The following ATP5MK variants were observed in gnomAD, a reference collection of about 807,000 sequenced individuals.
ATP5MK encodes the protein ATP synthase F(0) complex subunit k, mitochondrial.
Under a neutral mutation model 6.6 loss-of-function variants are expected in ATP5MK, and 5 were observed. The observed-to-expected ratio is 0.76, with a 90% CI of 0.40 to 1.60. The LOEUF (loss-of-function observed/expected upper bound fraction) is 1.60. Among genes scored for constraint, ATP5MK ranks in the 40% most tolerant of loss-of-function variants. The pLI is 0.02. For synonymous variants in ATP5MK, 30 were observed against 24.5 expected, an observed-to-expected ratio of 1.22 and a Z score of -0.66; for missense variants, 57 against 66.6, an observed-to-expected ratio of 0.86 and a Z score of 0.50.
intron 2 of ATP5MK, among the ~76,000 whole-genome samples, chr10:103,395,400 C>T (rs1312456253): frequency 1.3e-5 from 2 of 152,218 alleles, no homozygotes; most frequent in African/African-American, 4.8e-5. Context: ...CGGGGTCAAG[C>T]GGTTCTCCTG....
At chr10:103,389,780 G>A in intron 4 of ATP5MK, among the ~76,000 whole-genome samples, 1 of 151,866 alleles carries the variant, frequency 6.6e-6, no homozygotes, top group Non-Finnish European at 1.5e-5. Context: ...CCCCCAGGAT[G>A]GAGTGTAGCA....
At chr10:103,395,076 AAGG>A (rs1368871839) in intron 2 of ATP5MK, among the ~76,000 whole-genome samples, 2 of 152,090 alleles carry the variant, frequency 1.3e-5, no homozygotes, top group African/African-American at 4.8e-5. Flanking sequence ...CTGGGTCTTA[AAGG>A]AGGAGGACTC....
chr10:103,389,117 G>A lies in ATP5MK; in HGVS notation c.*53C>T, dbSNP rs1410626714. On this transcript the variant is annotated 3_prime_UTR_variant, in exon 5 of 5. Coordinates refer to ENST00000369815, the MANE Select transcript of ATP5MK (RefSeq NM_001206427.2). ...TGATGAGTTGGCATTAGCTTCTCCA[G>A]GCATGGGAACTTAACAGATGAGGTT... 1.3e-5 allele frequency: 2 copies of A among 152,534 alleles called. No individual in the cohort carries two copies. The highest frequency in any genetic ancestry group is 2.9e-5 in the Non-Finnish European group (2 of 68,028). 9.4% of individuals were successfully genotyped at this position (152,534 alleles called of 1,614,324 possible).
At chr10:103,389,345 C>CA (rs1487505764) in intron 4 of ATP5MK, among the ~76,000 whole-genome samples, 179 bp from the exon 5 acceptor site, 2 of 151,348 alleles carry the variant, frequency 1.3e-5, no homozygotes, top group African/African-American at 4.9e-5. Flanking sequence ...TTTTTTGAGA[C>CA]AGAGTTCGCT....
chr10:103,393,086 G>A (rs1213533998), intron 2 of ATP5MK, among the ~76,000 whole-genome samples: 2 of 151,610 alleles, frequency 1.3e-5, no homozygotes, highest in Non-Finnish European at 2.9e-5. Context: ...AAAACATGGG[G>A]AAATATTTAA....
chr10:103,390,435 A>T (rs1175345998), intron 4 of ATP5MK, among the ~76,000 whole-genome samples: 1 of 151,864 alleles, frequency 6.6e-6, no homozygotes, highest in Admixed American at 6.6e-5. Context: ...CAGAGGTTGC[A>T]GTGATCTGAG....
chr10:103,394,760 C>G (rs1437795018), intron 2 of ATP5MK, among the ~76,000 whole-genome samples: 2 of 134,532 alleles, frequency 1.5e-5, no homozygotes, highest in Non-Finnish European at 3.2e-5. Flanking sequence ...CCCGCCCCCC[C>G]ACCAGCTCCA....
chr10:103,392,081 A>G, intron 4 of ATP5MK, 110 bp downstream of exon 4: 1 of 904,218 alleles, frequency 1.1e-6, no homozygotes, highest in Admixed American at 2.8e-5. Context: ...TTTTTCTTGT[A>G]TGCTATAAAT....
Position 103,392,214 on chromosome 10 carries a change from G to C in ATP5MK, c.157C>G (p.Pro53Ala), listed in dbSNP as rs2093416516. The change falls in exon 4 of 5, where the codon CCA becomes GCA. Residue 53 changes from proline (P) to alanine (A), a missense_variant. Coordinates refer to ENST00000369815, the MANE Select transcript of ATP5MK (RefSeq NM_001206427.2). ...ACCATTTATGTTGCTTTCACAGCTG[G>C]AGTTTTTTTGGACCTTAACTTGAAA... is the stretch of plus-strand genomic sequence containing the variant. ...LYFKLRSKKT[P>A]AVKAT 6.2e-7 allele frequency: 1 copy of C among 1,613,100 alleles called. No homozygotes were observed. The highest frequency in any genetic ancestry group is 8.5e-7 in the Non-Finnish European group (1 of 1,179,748).
At chr10:103,395,001 G>T (rs2093426813) in intron 2 of ATP5MK, among the ~76,000 whole-genome samples, 1 of 152,138 alleles carries the variant, frequency 6.6e-6, no homozygotes, top group African/African-American at 2.4e-5. Context: ...ATATCCCACA[G>T]AAGACTAATT....
intron 2 of ATP5MK, among the ~76,000 whole-genome samples, chr10:103,393,836 C>T (rs944149644): frequency 6.6e-6 from 1 of 152,070 alleles, no homozygotes; most frequent in African/African-American, 2.4e-5. Context: ...TGATGGTTTC[C>T]ATTAAACGAC....
At chr10:103,390,376 C>G (rs1217319445) in intron 4 of ATP5MK, among the ~76,000 whole-genome samples, 2 of 152,064 alleles carry the variant, frequency 1.3e-5, no homozygotes, top group African/African-American at 4.8e-5. Flanking sequence ...CACCTGAAAT[C>G]CCAGCTATTC....
At chr10:103,394,705 T>C (rs2093424959) in intron 2 of ATP5MK, among the ~76,000 whole-genome samples, 1 of 151,834 alleles carries the variant, frequency 6.6e-6, no homozygotes, top group Non-Finnish European at 1.5e-5. Context: ...AGCTATCAAC[T>C]GTTCCACTTT....
At chr10:103,389,483 C>T (rs1431132777) in intron 4 of ATP5MK, among the ~76,000 whole-genome samples, 4 of 152,046 alleles carry the variant, frequency 2.6e-5, no homozygotes, top group African/African-American at 7.2e-5. Flanking sequence ...CCACCACACC[C>T]GGCTAATTTT....
At chr10:103,390,105 A>C (rs918103411) in intron 4 of ATP5MK, among the ~76,000 whole-genome samples, 1 of 152,186 alleles carries the variant, frequency 6.6e-6, no homozygotes, top group Non-Finnish European at 1.5e-5. Flanking sequence ...ATTGGGCAAA[A>C]TACTACCTGT....
chr10:103,394,603 C>T lies in ATP5MK; in HGVS notation c.-10+1143G>A, dbSNP rs561936697. Among the ~76,000 whole-genome samples the T allele has an allele frequency of 5.4e-4, 82 of 152,280 alleles. 2 individuals carry two copies. The highest frequency in any genetic ancestry group is 4.0e-3 in the Admixed American group (61 of 15,298). On this transcript the variant is annotated intron_variant, in intron 2 of 4. Transcript: ENST00000369815. ...CCTTAGGCCTCTTCAGAGACCTTGG[C>T]CAGTCTAGCCCAAGTAGGAAAATCT... is the stretch of plus-strand genomic sequence containing the variant.
At chr10:103,389,843 C>T (rs1231688955) in intron 4 of ATP5MK, among the ~76,000 whole-genome samples, 1 of 151,658 alleles carries the variant, frequency 6.6e-6, no homozygotes, top group Non-Finnish European at 1.5e-5. Context: ...GTGATTCTCA[C>T]GCCTCAGCCT....
intron 2 of ATP5MK, among the ~76,000 whole-genome samples, chr10:103,394,934 C>A (rs2093426428): frequency 6.6e-6 from 1 of 152,106 alleles, no homozygotes; most frequent in Non-Finnish European, 1.5e-5. Context: ...AATACTACAG[C>A]GCTTTAAATT....
intron 2 of ATP5MK, 69 bp from the exon 3 acceptor site, chr10:103,392,535 CTT>C: frequency 1.6e-6 from 2 of 1,260,360 alleles, no homozygotes; most frequent in East Asian, 4.9e-5. Flanking sequence ...TAAATTTTGT[CTT>C]GTTTTAGTCT....
Sources: gnomAD v4.1 joint callset for allele counts (sites outside exome capture counted in the v4.1 genomes callset) on GRCh38, gnomAD v4.1.1 for gene constraint, MANE v1.5 for transcripts, NCBI Gene and HGNC (gene_info 2026-07-23, HGNC 2026-07-21) for gene names.